Variants in LTBP1 observed in about 807,000 individuals in gnomAD.
The protein encoded by LTBP1 is latent transforming growth factor beta binding protein 1.
A neutral mutation model predicts 207.6 loss-of-function variants in LTBP1; 129 were observed. The observed-to-expected ratio is 0.62, with a 90% CI of 0.54 to 0.72. The LOEUF (loss-of-function observed/expected upper bound fraction) is 0.72, where lower values mean the gene tolerates loss of function less well. LTBP1 is among the 30% of genes least tolerant of loss of function. The pLI, the probability that LTBP1 is intolerant of heterozygous loss-of-function variation, is 0.00. For missense variants in LTBP1, 2,281 were observed against 2,217.2 expected, an observed-to-expected ratio of 1.03 and a Z score of -0.58; for synonymous variants, 963 against 833.7, an observed-to-expected ratio of 1.16 and a Z score of -2.67.
chr2:33,027,602 C>T (rs1019034137), intron 3 of LTBP1, among the ~76,000 whole-genome samples: 1 of 152,056 alleles, frequency 6.6e-6, no homozygotes. Flanking sequence ...TTTTGGAGGC[C>T]TAGGCAGCTG....
intron 11 of LTBP1, among the ~76,000 whole-genome samples, chr2:33,257,051 G>A (rs1423731505): frequency 6.6e-6 from 1 of 151,418 alleles, no homozygotes; most frequent in African/African-American, 2.4e-5. Flanking sequence ...GTAGGATAAG[G>A]AATTAACAGA....
At chr2:33,022,281 T>TC (rs397698423) in intron 3 of LTBP1, among the ~76,000 whole-genome samples, 1 of 149,134 alleles carries the variant, frequency 6.7e-6, no homozygotes, top group African/African-American at 2.5e-5. Flanking sequence ...TTTTTTTTTT[T>TC]CTGTTTTTCT....
chr2:33,140,582 A>G (rs990708538), intron 5 of LTBP1, among the ~76,000 whole-genome samples: 1 of 152,136 alleles, frequency 6.6e-6, no homozygotes, highest in Admixed American at 6.6e-5. Context: ...ACATTTAGCT[A>G]TATCAAAGAA....
rs567338600 is a variant in LTBP1, at chr2:33,196,058, C to T, written c.1701+7207C>T. Among the ~76,000 whole-genome samples the T allele has an allele frequency of 1.3e-4, 20 of 152,290 alleles. No individual in the cohort carries two copies. In the East Asian group the frequency reaches 2.1e-3, roughly 16 times the overall value. Reference sequence around the variant, plus strand: ...ATAGCGCTACTGCAAACTTAATAGACGACAGTATAGTGTAAACATGACTTT... The same window carrying T: ...ATAGCGCTACTGCAAACTTAATAGATGACAGTATAGTGTAAACATGACTTT... On this transcript the variant is annotated intron_variant, in intron 7 of 33. Coordinates refer to ENST00000404816, the MANE Select transcript of LTBP1 (RefSeq NM_206943.4).
At chr2:33,038,293 C>T (rs2076022611) in intron 3 of LTBP1, among the ~76,000 whole-genome samples, 1 of 152,244 alleles carries the variant, frequency 6.6e-6, no homozygotes, top group South Asian at 2.1e-4. Flanking sequence ...CCTGTTCTCT[C>T]AGCAGTGCAG....
chr2:33,330,754 G>C (rs538240977), intron 24 of LTBP1, among the ~76,000 whole-genome samples: 2 of 143,202 alleles, frequency 1.4e-5, no homozygotes, highest in South Asian at 4.3e-4. Context: ...CAGGGACCCA[G>C]ACAATATCTT....
intron 2 of LTBP1, among the ~76,000 whole-genome samples, chr2:32,989,194 A>C (rs1371314391): frequency 3.3e-5 from 5 of 152,252 alleles, no homozygotes; most frequent in Admixed American, 6.5e-5. Context: ...ACTCAGACAG[A>C]TATAAAATGA....
intron 3 of LTBP1, 125 bp from the exon 4 acceptor site, chr2:33,110,457 A>AAAAATGAG: frequency 1.2e-6 from 1 of 851,962 alleles, no homozygotes; most frequent in East Asian, 2.6e-5. Flanking sequence ...TTGAAGGAAA[A>AAAAATGAG]AAAATGAGCC....
chr2:33,373,657 A>G (rs908011910), intron 31 of LTBP1, among the ~76,000 whole-genome samples: 1 of 152,196 alleles, frequency 6.6e-6, no homozygotes, highest in Non-Finnish European at 1.5e-5. Context: ...ATAAGAAGAG[A>G]TAAGTAAATG....
intron 31 of LTBP1, among the ~76,000 whole-genome samples, chr2:33,373,463 G>A (rs2095095867): frequency 4.6e-5 from 7 of 152,202 alleles, no homozygotes; most frequent in Admixed American, 4.6e-4. Flanking sequence ...AAGGCATGAT[G>A]TGAATAGGCA....
At chr2:33,145,565 T>G (rs1234602061) in intron 5 of LTBP1, among the ~76,000 whole-genome samples, 1 of 152,224 alleles carries the variant, frequency 6.6e-6, no homozygotes, top group East Asian at 1.9e-4. Context: ...ATATGTCACT[T>G]TTCGCCACTG....
At chr2:33,340,109 T>A (rs1189591013) in intron 24 of LTBP1, among the ~76,000 whole-genome samples, 1 of 151,922 alleles carries the variant, frequency 6.6e-6, no homozygotes, top group Non-Finnish European at 1.5e-5. Flanking sequence ...TACAAAAAAA[T>A]TAGCCAGGCG....
At chr2:33,108,012 G>A (rs541007158) in intron 3 of LTBP1, among the ~76,000 whole-genome samples, 1 of 152,304 alleles carries the variant, frequency 6.6e-6, no homozygotes, top group East Asian at 1.9e-4. Context: ...AAGTAAAGAG[G>A]ATATGTATTT....
intron 31 of LTBP1, 89 bp from the exon 32 acceptor site, chr2:33,389,094 TG>T: frequency 6.4e-7 from 1 of 1,569,842 alleles, no homozygotes; most frequent in Non-Finnish European, 8.7e-7. Flanking sequence ...AAGGGTGTGC[TG>T]GCAGATTCCC....
At chr2:32,995,949 C>T (rs1685202074) in intron 2 of LTBP1, among the ~76,000 whole-genome samples, 1 of 152,146 alleles carries the variant, frequency 6.6e-6, no homozygotes, top group Admixed American at 6.5e-5. Context: ...TAACCCTAGT[C>T]CTAACCTGAG....
intron 31 of LTBP1, among the ~76,000 whole-genome samples, chr2:33,375,294 A>G (rs916376836): frequency 3.9e-5 from 6 of 152,202 alleles, no homozygotes; most frequent in African/African-American, 7.2e-5. Context: ...AAATGAGTCA[A>G]CGTTCATCAT....
At chr2:33,339,615 C>T (rs765889551) in intron 24 of LTBP1, among the ~76,000 whole-genome samples, 3 of 151,114 alleles carry the variant, frequency 2.0e-5, no homozygotes, top group Non-Finnish European at 2.9e-5. Context: ...AAGGGAGATT[C>T]ATTTTTTAGA....
chr2:33,309,968 A>C (rs1461471874), intron 23 of LTBP1, among the ~76,000 whole-genome samples: 1 of 140,614 alleles, frequency 7.1e-6, no homozygotes, highest in African/African-American at 2.7e-5. Flanking sequence ...TTTTTTTGAG[A>C]CAGAGTCTCG....
intron 2 of LTBP1, among the ~76,000 whole-genome samples, chr2:32,959,408 A>G (rs1678632695): frequency 1.3e-5 from 2 of 151,886 alleles, no homozygotes; most frequent in Non-Finnish European, 2.9e-5. Context: ...AAATATGATA[A>G]TAAAGTAAGG....
Sources: allele counts gnomAD v4.1 joint callset (sites outside exome capture counted in the v4.1 genomes callset), GRCh38; gene constraint gnomAD v4.1.1; transcripts MANE v1.5; gene names NCBI Gene and HGNC (gene_info 2026-07-23, HGNC 2026-07-21).